The following CABCOCO1 variants were observed in gnomAD, a reference collection of about 807,000 sequenced individuals.
CABCOCO1 encodes the protein ciliary-associated calcium-binding coiled-coil protein 1.
In CABCOCO1, 28 loss-of-function variants were observed where a neutral mutation model predicts 35.7. The observed-to-expected ratio is 0.78, with a 90% confidence interval of 0.58 to 1.07. The LOEUF (loss-of-function observed/expected upper bound fraction) is 1.07. Among genes scored for constraint, CABCOCO1 ranks in the 50% least tolerant of loss-of-function variants. CABCOCO1 has a pLI of 0.00. For missense variants in CABCOCO1, 326 were observed against 309.2 expected (o/e 1.05, Z -0.41); for synonymous variants, 95 against 100.1 (o/e 0.95, Z 0.30).
chr10:61,678,459 G>GA (rs1352301250), intron 2 of CABCOCO1, among the ~76,000 whole-genome samples: 1 of 151,918 alleles, frequency 6.6e-6, no homozygotes. Context: ...GTGAATGCCT[G>GA]AAAAAATGTG....
chr10:61,687,759 T>C (rs899203057), intron 4 of CABCOCO1, among the ~76,000 whole-genome samples: 1 of 152,160 alleles, frequency 6.6e-6, no homozygotes, highest in African/African-American at 2.4e-5. Context: ...ATATTATTAC[T>C]TCACTAAAAA....
chr10:61,698,049 C>T (rs1180768109), intron 5 of CABCOCO1, among the ~76,000 whole-genome samples: 1 of 151,956 alleles, frequency 6.6e-6, no homozygotes, highest in Non-Finnish European at 1.5e-5. Flanking sequence ...AATATTTATT[C>T]AGCTTAATTT....
At chr10:61,682,245 T>C (rs1271691768) in intron 3 of CABCOCO1, among the ~76,000 whole-genome samples, 4 of 152,150 alleles carry the variant, frequency 2.6e-5, no homozygotes, top group Non-Finnish European at 4.4e-5. Context: ...TTCTAAAACC[T>C]GAGCAGGATC....
chr10:61,668,117 G>A (rs1839246507), intron 1 of CABCOCO1, among the ~76,000 whole-genome samples: 1 of 151,596 alleles, frequency 6.6e-6, no homozygotes, highest in African/African-American at 2.4e-5. Flanking sequence ...CATATAATTT[G>A]TACCATTTAA....
At chr10:61,684,912 A>G (rs1305652759) in intron 3 of CABCOCO1, 1 of 152,238 alleles carries the variant, frequency 6.6e-6, no homozygotes, top group Admixed American at 6.5e-5. Flanking sequence ...TTATATTTTT[A>G]TTACAGACAT....
chr10:61,737,816 T>C (rs1841456001), intron 5 of CABCOCO1, among the ~76,000 whole-genome samples: 1 of 150,740 alleles, frequency 6.6e-6, no homozygotes, highest in Non-Finnish European at 1.5e-5. Flanking sequence ...AGCAGGAGGG[T>C]GGGAGGAGGG....
intron 6 of CABCOCO1, 67 bp downstream of exon 6, chr10:61,760,248 C>T (rs61850526): frequency 0.046 from 69,582 of 1,521,220 alleles, 5,318 homozygotes; most frequent in African/African-American, 0.34. Context: ...TGGGAGGAAA[C>T]GAACTAAATG....
intron 6 of CABCOCO1, 103 bp downstream of exon 6, chr10:61,760,284 T>G: frequency 1.4e-6 from 2 of 1,412,060 alleles, no homozygotes; most frequent in Middle Eastern, 2.2e-4. Flanking sequence ...TTGCCTCTGA[T>G]TTTTCCCAAC....
intron 1 of CABCOCO1, among the ~76,000 whole-genome samples, chr10:61,669,020 G>GAAAAAAAAAA (rs200867627): frequency 5.9e-5 from 6 of 102,480 alleles, no homozygotes; most frequent in Non-Finnish European, 1.3e-4. Context: ...AAGGGTTGGG[G>GAAAAAAAAAA]AAAAAAAAAA....
chr10:61,685,970 C>A (rs1839945697), intron 3 of CABCOCO1, 71 bp from the exon 4 acceptor site: 1 of 1,387,000 alleles, frequency 7.2e-7, no homozygotes, highest in Non-Finnish European at 9.7e-7. Context: ...ACATTGAAAA[C>A]ATCTTGGATT....
At chr10:61,671,648 T>G (rs1839363932) in intron 1 of CABCOCO1, among the ~76,000 whole-genome samples, 1 of 152,176 alleles carries the variant, frequency 6.6e-6, no homozygotes, top group African/African-American at 2.4e-5. Flanking sequence ...ACCACTTTCT[T>G]TTCATCCACA....
chr10:61,755,893 T>C (rs1841887887), intron 5 of CABCOCO1, among the ~76,000 whole-genome samples: 1 of 152,046 alleles, frequency 6.6e-6, no homozygotes, highest in South Asian at 2.1e-4. Flanking sequence ...TAGTAAGATC[T>C]AGAAGCAGAG....
chr10:61,720,280 A>G (rs1156762677), intron 5 of CABCOCO1, among the ~76,000 whole-genome samples: 1 of 89,378 alleles, frequency 1.1e-5, no homozygotes, highest in Non-Finnish European at 2.9e-5. Context: ...GGTAAAAAAT[A>G]AAAAATAAAA....
At chr10:61,742,834 A>T (rs1343266210) in intron 5 of CABCOCO1, among the ~76,000 whole-genome samples, 3 of 152,146 alleles carry the variant, frequency 2.0e-5, no homozygotes, top group Non-Finnish European at 4.4e-5. Context: ...GCATAAGAAC[A>T]TATCTTAAAT....
At chr10:61,705,770 G>T (rs1038899132) in intron 5 of CABCOCO1, among the ~76,000 whole-genome samples, 3 of 152,188 alleles carry the variant, frequency 2.0e-5, no homozygotes, top group Non-Finnish European at 4.4e-5. Context: ...TTTACTGTAT[G>T]CTAGGCACTA....
At chr10:61,731,625 T>C (rs1841303524) in intron 5 of CABCOCO1, among the ~76,000 whole-genome samples, 1 of 151,838 alleles carries the variant, frequency 6.6e-6, no homozygotes, top group Non-Finnish European at 1.5e-5. Context: ...AAATTTTGAT[T>C]AGTGCTTAAT....
At chr10:61,756,542 C>T (rs1019272175) in intron 5 of CABCOCO1, among the ~76,000 whole-genome samples, 2 of 151,912 alleles carry the variant, frequency 1.3e-5, no homozygotes, top group African/African-American at 4.8e-5. Flanking sequence ...TTTATTATAT[C>T]CATTTGTGTT....
At chr10:61,679,100 C>T (rs1449149537) in intron 2 of CABCOCO1, among the ~76,000 whole-genome samples, 1 of 151,962 alleles carries the variant, frequency 6.6e-6, no homozygotes, top group East Asian at 1.9e-4. Context: ...ACATATTACC[C>T]CTCTCAAAAT....
At chr10:61,733,203 G>T (rs930232263) in intron 5 of CABCOCO1, among the ~76,000 whole-genome samples, 2 of 151,854 alleles carry the variant, frequency 1.3e-5, no homozygotes, top group Admixed American at 6.6e-5. Context: ...TTAACCAAAT[G>T]TTCTAAACTA....
Sources: allele counts gnomAD v4.1 joint callset (sites outside exome capture counted in the v4.1 genomes callset), GRCh38; gene constraint gnomAD v4.1.1; transcripts MANE v1.5; gene names NCBI Gene and HGNC (gene_info 2026-07-23, HGNC 2026-07-21).